Variants in IKZF3 observed in about 807,000 individuals in gnomAD.
The protein encoded by IKZF3 is zinc finger protein Aiolos.
Under a neutral mutation model 49.0 loss-of-function variants are expected in IKZF3, and 10 were observed. The observed-to-expected ratio is 0.20, with a 90% CI of 0.13 to 0.35. The LOEUF (loss-of-function observed/expected upper bound fraction) is 0.35, where lower values mean the gene tolerates loss of function less well. Among genes scored for constraint, IKZF3 ranks in the 10% least tolerant of loss-of-function variants. The probability of loss-of-function intolerance (pLI) is 1.00; values close to 1 mark genes in which losing one functional copy is unlikely to be tolerated. For synonymous variants in IKZF3, 209 were observed against 228.2 expected (o/e 0.92, Z 0.76); for missense variants, 498 against 664.8 (o/e 0.75, Z 2.76).
chr17:39,846,767 C>G (rs1318865288), intron 1 of IKZF3, among the ~76,000 whole-genome samples: 1 of 151,790 alleles, frequency 6.6e-6, no homozygotes, highest in Non-Finnish European at 1.5e-5. Context: ...TAAATAATTA[C>G]CATTGAATTA....
chr17:39,835,332 T>C (rs1003147724), intron 1 of IKZF3: 29 of 520,454 alleles, frequency 5.6e-5, no homozygotes, highest in Non-Finnish European at 1.1e-4. Context: ...CTTGGCCCAC[T>C]GTAGGGCGGC....
At chr17:39,806,091 C>G (rs2061426410) in intron 3 of IKZF3, among the ~76,000 whole-genome samples, 2 of 152,162 alleles carry the variant, frequency 1.3e-5, no homozygotes, top group African/African-American at 4.8e-5. Flanking sequence ...AACCCAGGTT[C>G]AAGTTGTACT....
intron 7 of IKZF3, among the ~76,000 whole-genome samples, chr17:39,766,805 G>T (rs934703280): frequency 1.1e-4 from 17 of 152,178 alleles, no homozygotes; most frequent in South Asian, 8.3e-4. Context: ...AAAGAAGCAG[G>T]ACACTAGGAT....
At chr17:39,843,756 G>A (rs923393823) in intron 1 of IKZF3, among the ~76,000 whole-genome samples, 5 of 150,590 alleles carry the variant, frequency 3.3e-5, no homozygotes, top group African/African-American at 7.4e-5. Context: ...ACAGTGAGCC[G>A]AGATGGCACC....
At chr17:39,839,485 C>T (rs1283546663) in intron 1 of IKZF3, 2 of 570,794 alleles carry the variant, frequency 3.5e-6, no homozygotes, top group Non-Finnish European at 6.9e-6. Flanking sequence ...TGTTTCTTGG[C>T]CAGGAATCAC....
intron 7 of IKZF3, among the ~76,000 whole-genome samples, chr17:39,775,907 A>G (rs1176557262): frequency 4.6e-5 from 7 of 151,188 alleles, no homozygotes; most frequent in African/African-American, 1.7e-4. Flanking sequence ...CTGGGCGACA[A>G]GAGTGAAACT....
intron 1 of IKZF3, among the ~76,000 whole-genome samples, chr17:39,856,211 T>C (rs2063052657): frequency 6.6e-6 from 1 of 152,186 alleles, no homozygotes; most frequent in African/African-American, 2.4e-5. Context: ...GACAGAAGCA[T>C]GTCCCAAGCA....
intron 3 of IKZF3, among the ~76,000 whole-genome samples, chr17:39,821,070 G>A (rs1406335160): frequency 2.0e-5 from 3 of 152,000 alleles, no homozygotes; most frequent in Non-Finnish European, 4.4e-5. Context: ...AGCTCTGTGG[G>A]TCATTCCAGA....
intron 6 of IKZF3, among the ~76,000 whole-genome samples, chr17:39,786,158 A>C (rs1017302850): frequency 1.3e-5 from 2 of 152,238 alleles, no homozygotes; most frequent in Non-Finnish European, 2.9e-5. Context: ...CTTTGTGAAT[A>C]TACTAAAATT....
At chr17:39,794,065 C>A (rs2061100724) in intron 3 of IKZF3, among the ~76,000 whole-genome samples, 1 of 152,208 alleles carries the variant, frequency 6.6e-6, no homozygotes, top group African/African-American at 2.4e-5. Context: ...AATCACAAAT[C>A]AATGGAGTGT....
intron 3 of IKZF3, among the ~76,000 whole-genome samples, chr17:39,822,450 T>C (rs2061835485): frequency 6.6e-6 from 1 of 152,316 alleles, no homozygotes; most frequent in African/African-American, 2.4e-5. Flanking sequence ...TCACTCTCTC[T>C]TCTGCCACCC....
chr17:39,775,924 C>CAAA (rs369139259), intron 7 of IKZF3, among the ~76,000 whole-genome samples: 1 of 84,154 alleles, frequency 1.2e-5, no homozygotes, highest in Non-Finnish European at 2.5e-5. Context: ...AACTCTGTCT[C>CAAA]AAAAAAAAAA....
At position 39,837,644 on chromosome 17, in the gene IKZF3, CTT is replaced by C. The variant is rs947861178; in HGVS notation, c.8-5495_8-5494del. Among the ~76,000 whole-genome samples, 4 of 142,374 alleles carry C rather than the reference CTT, an allele frequency of 2.8e-5. No individual in the cohort carries two copies. The South Asian group carries it at 6.7e-4, about 24-fold the overall frequency. The allele number at this position is 142,374 out of a possible 152,430, so 93.4% of individuals were successfully genotyped here. ...CTTCTGTCTTCTATTGTTTCTTTTT[CTT>C]TTTTTTTTTTGAGACGGAGTCTCAC... On this transcript the variant is annotated intron_variant, in intron 1 of 7. Coordinates refer to ENST00000346872, the MANE Select transcript of IKZF3 (RefSeq NM_012481.5).
chr17:39,800,463 A>G (rs1305246648), intron 3 of IKZF3, among the ~76,000 whole-genome samples: 1 of 152,262 alleles, frequency 6.6e-6, no homozygotes, highest in Non-Finnish European at 1.5e-5. Context: ...AGAAAAGAAT[A>G]TACCAAACCA....
chr17:39,775,468 T>C (rs1042356355), intron 7 of IKZF3, among the ~76,000 whole-genome samples: 8 of 152,234 alleles, frequency 5.3e-5, no homozygotes, highest in African/African-American at 1.4e-4. Context: ...TTTGCACATA[T>C]GAAACATGCT....
chr17:39,806,934 C>T (rs2061442842), intron 3 of IKZF3, among the ~76,000 whole-genome samples: 2 of 152,150 alleles, frequency 1.3e-5, no homozygotes, highest in South Asian at 4.1e-4. Flanking sequence ...AGTGTCTGGC[C>T]AACCTCCAGT....
intron 3 of IKZF3, among the ~76,000 whole-genome samples, chr17:39,803,152 G>C (rs1014541728): frequency 2.6e-5 from 4 of 152,082 alleles, no homozygotes; most frequent in African/African-American, 9.7e-5. Context: ...AATGTCATGG[G>C]GCCAGGTATA....
Position 39,766,016 on chromosome 17 carries a change from G to C in IKZF3, c.1304C>G (p.Pro435Arg), listed in dbSNP as rs780833270. The change falls in exon 8 of 8, where the codon CCA becomes CGA. Residue 435 changes from proline (P) to arginine (R), a missense_variant. Pro to Arg is a moderately radical substitution (Grantham distance 103, BLOSUM62 -2). Transcript: ENST00000346872. ...GTTGATCACTTTGACGGAGTCTCTTGGGCAGATGGGCGGGGGCTTGAGGAG... is the reference window on the plus strand; with the variant it reads ...GTTGATCACTTTGACGGAGTCTCTTCGGCAGATGGGCGGGGGCTTGAGGAG... ...YELLKPPPIC[P>R]RDSVKVINKE... The C allele has an allele frequency of 1.2e-6, 2 of 1,614,196 alleles. No individual in the cohort carries two copies. Among genetic ancestry groups the C allele is most frequent in the South Asian group, 1.1e-5 (1 of 91,082 alleles).
At chr17:39,791,363 G>T (rs546282085) in intron 5 of IKZF3, 53 bp downstream of exon 5, 1 of 1,575,104 alleles carries the variant, frequency 6.3e-7, no homozygotes, top group East Asian at 2.2e-5. Flanking sequence ...TTTCCACACT[G>T]GGCTCTGAGG....
Sources: allele counts gnomAD v4.1 joint callset (sites outside exome capture counted in the v4.1 genomes callset), GRCh38; gene constraint gnomAD v4.1.1; transcripts MANE v1.5; gene names NCBI Gene and HGNC (gene_info 2026-07-23, HGNC 2026-07-21).